The following BEND6 variants were observed in gnomAD, a reference collection of about 807,000 sequenced individuals.
BEND6 encodes BEN domain containing 6.
In BEND6, 24 loss-of-function variants were observed where a neutral mutation model predicts 31.8. The observed-to-expected ratio is 0.75, with a 90% CI of 0.55 to 1.06. BEND6 has a LOEUF of 1.06. Ranked by LOEUF, BEND6 falls within the 50% of genes least tolerant of loss-of-function variation. The pLI, the probability that BEND6 is intolerant of heterozygous loss-of-function variation, is 0.00. For missense variants in BEND6, 294 were observed against 327.4 expected, an observed-to-expected ratio of 0.90 and a Z score of 0.79; for synonymous variants, 109 against 114.6, an observed-to-expected ratio of 0.95 and a Z score of 0.31.
chr6:56,961,699 G>A (rs1825292464), intron 1 of BEND6, among the ~76,000 whole-genome samples: 1 of 152,176 alleles, frequency 6.6e-6, no homozygotes, highest in Admixed American at 6.5e-5. Flanking sequence ...AGGGACAAAA[G>A]GAATTAGTAT....
intron 1 of BEND6, among the ~76,000 whole-genome samples, chr6:56,968,417 C>A (rs779106024): frequency 1.1e-4 from 16 of 144,146 alleles, no homozygotes; most frequent in Non-Finnish European, 2.1e-4. Flanking sequence ...AACTCCTGGG[C>A]TCTCGTGATC....
chr6:57,015,078 A>G (rs2127890130), intron 3 of BEND6, 55 bp from the exon 4 acceptor site: 1 of 1,472,390 alleles, frequency 6.8e-7, no homozygotes, highest in South Asian at 1.2e-5. Context: ...AAATATGTAC[A>G]TATGCACCTA....
rs1206792710 is a variant in BEND6, at chr6:56,992,402, T to C, written c.145T>C (p.Phe49Leu). 7 of 1,611,162 alleles carry C rather than the reference T, an allele frequency of 4.3e-6. No individual in the cohort carries two copies. The highest frequency in any genetic ancestry group is 1.6e-4 in the Middle Eastern group (1 of 6,062). ...GAGAGACCCATATTCGGGAAATGCC[T>C]TTCTGCCTGGTGAAAGCTCCAGTGA... ...GQRDPYSGNA[F>L]LPGESSSEDE... The change falls in exon 3 of 7, where the codon TTT becomes CTT. Residue 49 changes from phenylalanine (F) to leucine (L), a missense_variant. Phe to Leu is a conservative substitution (Grantham distance 22). Coordinates refer to ENST00000370746, the MANE Select transcript of BEND6 (RefSeq NM_152731.3).
At chr6:57,014,654 C>G in intron 3 of BEND6, 1 of 679,624 alleles carries the variant, frequency 1.5e-6, no homozygotes, top group Non-Finnish European at 2.3e-6. Context: ...AATTTGACTC[C>G]CTTGTAAACC....
chr6:57,015,343 A>T lies in BEND6; in HGVS notation c.509A>T (p.Asp170Val). 1 of 1,613,114 alleles carries T rather than the reference A, an allele frequency of 6.2e-7. No homozygotes were observed. Residue 170 changes from aspartate (D) to valine (V), a missense_variant, in exon 4 of 7, where the codon GAT becomes GTT. By Grantham distance (152) the Asp-to-Val change is radical. Coordinates refer to ENST00000370746, the MANE Select transcript of BEND6 (RefSeq NM_152731.3). ...SLKPEEEHQT[D>V]EKQFQIEKWQ... ...AAGCCTGAGGAAGAGCATCAGACTG[A>T]TGAGAAACAGGTCAGTTGTAATACC...
At chr6:56,978,610 A>G (rs1279428138) in intron 1 of BEND6, among the ~76,000 whole-genome samples, 1 of 152,214 alleles carries the variant, frequency 6.6e-6, no homozygotes, top group Non-Finnish European at 1.5e-5. Context: ...TCAACAGTGA[A>G]CATTCATTCT....
chr6:56,961,598 A>G (rs541367968), intron 1 of BEND6, among the ~76,000 whole-genome samples: 1 of 152,228 alleles, frequency 6.6e-6, no homozygotes, highest in Non-Finnish European at 1.5e-5. Flanking sequence ...GTTTGAATGG[A>G]TAAGCCCATT....
chr6:57,013,197 C>T (rs917367715), intron 3 of BEND6, among the ~76,000 whole-genome samples: 1 of 152,194 alleles, frequency 6.6e-6, no homozygotes, highest in South Asian at 2.1e-4. Context: ...ACCAACTACA[C>T]GTTCAGGAGT....
intron 3 of BEND6, among the ~76,000 whole-genome samples, chr6:56,996,820 T>C (rs60401134): frequency 0.069 from 10,576 of 152,288 alleles, 493 homozygotes; most frequent in East Asian, 0.18. Context: ...GCTGCTACTC[T>C]GGTCCTAGCC....
intron 5 of BEND6, among the ~76,000 whole-genome samples, chr6:57,018,013 C>T (rs796596334): frequency 3.9e-5 from 6 of 152,242 alleles, no homozygotes; most frequent in South Asian, 2.1e-4. Context: ...CATGGCTGGG[C>T]GTGGTGGCTC....
intron 3 of BEND6, among the ~76,000 whole-genome samples, chr6:56,997,061 C>T (rs894740210): frequency 1.3e-5 from 2 of 152,166 alleles, no homozygotes; most frequent in Admixed American, 6.5e-5. Flanking sequence ...TGGCCACCTC[C>T]CCTCCACTTA....
intron 1 of BEND6, among the ~76,000 whole-genome samples, chr6:56,968,291 TTTTCTTTC>T (rs1313445371): frequency 1.7e-4 from 26 of 150,784 alleles, no homozygotes; most frequent in Middle Eastern, 3.4e-3. Flanking sequence ...CTTCTTTTCT[TTTTCTTTC>T]TTTCTTTCTT....
At chr6:56,978,577 C>A (rs1359513539) in intron 1 of BEND6, among the ~76,000 whole-genome samples, 2 of 152,134 alleles carry the variant, frequency 1.3e-5, no homozygotes, top group Non-Finnish European at 2.9e-5. Flanking sequence ...CTGAAAATAT[C>A]ATTTATTATT....
At chr6:56,987,144 A>AT (rs1228127539) in intron 2 of BEND6, among the ~76,000 whole-genome samples, 3 of 151,308 alleles carry the variant, frequency 2.0e-5, no homozygotes, top group African/African-American at 7.3e-5. Flanking sequence ...CGCCTGGCTA[A>AT]TTTTTTTGTA....
chr6:56,981,185 T>C (rs921119720), intron 1 of BEND6, among the ~76,000 whole-genome samples: 1 of 152,104 alleles, frequency 6.6e-6, no homozygotes, highest in Non-Finnish European at 1.5e-5. Flanking sequence ...TTGAGATTTT[T>C]CCCCCATTTC....
At chr6:57,011,979 AG>A (rs1196648456) in intron 3 of BEND6, among the ~76,000 whole-genome samples, 1 of 151,920 alleles carries the variant, frequency 6.6e-6, no homozygotes, top group Admixed American at 6.6e-5. Context: ...TACAAAAATT[AG>A]CTGGCATGGT....
At chr6:57,008,251 A>T (rs2127883076) in intron 3 of BEND6, 1 of 702,784 alleles carries the variant, frequency 1.4e-6, no homozygotes, top group Middle Eastern at 2.3e-4. Flanking sequence ...ACCTTGACTC[A>T]TCTCAGATAC....
At chr6:56,992,285 A>G in intron 2 of BEND6, 93 bp from the exon 3 acceptor site, 1 of 1,364,348 alleles carries the variant, frequency 7.3e-7, no homozygotes, top group Non-Finnish European at 9.8e-7. Flanking sequence ...AGAACAAGAA[A>G]TTTGTAGTCC....
In BEND6 at chr6:57,017,201, T is replaced by C. The variant is rs909062434; in HGVS notation, c.520-6T>C. 6.4e-7 allele frequency: 1 copy of C among 1,570,512 alleles called. No homozygotes were observed. The highest frequency in any genetic ancestry group is 8.6e-7 in the Non-Finnish European group (1 of 1,160,126). ...TTCCAACTTCAACTCTTTCTTATCT[T>C]TTTAGTTCCAGATTGAAAAATGGCA... On this transcript the variant is annotated splice_polypyrimidine_tract_variant and splice_region_variant and intron_variant, in intron 4 of 6. Coordinates refer to ENST00000370746, the MANE Select transcript of BEND6 (RefSeq NM_152731.3).
Sources: allele counts gnomAD v4.1 joint callset (sites outside exome capture counted in the v4.1 genomes callset), GRCh38; gene constraint gnomAD v4.1.1; transcripts MANE v1.5; gene names NCBI Gene and HGNC (gene_info 2026-07-23, HGNC 2026-07-21).